The following COL19A1 variants were observed in gnomAD, a reference collection of about 807,000 sequenced individuals.
COL19A1 encodes collagen type XIX alpha 1 chain, also known as collagen alpha-1(XIX) chain.
COL19A1 carries 159 observed loss-of-function variants against 190.2 expected under a neutral mutation model. The ratio of observed to expected loss-of-function variants is 0.84; its 90% CI spans 0.73 to 0.95. The LOEUF (loss-of-function observed/expected upper bound fraction) is 0.95. Among genes scored for constraint, COL19A1 ranks in the 40% least tolerant of loss-of-function variants. The pLI, the probability that COL19A1 is intolerant of heterozygous loss-of-function variation, is 0.00. For synonymous variants in COL19A1, 509 were observed against 458.9 expected (o/e 1.11, Z -1.39); for missense variants, 1,418 against 1,431.9 (o/e 0.99, Z 0.16).
intron 34 of COL19A1, 119 bp from the exon 35 acceptor site, chr6:70,161,781 T>C: frequency 1.6e-6 from 1 of 613,306 alleles, no homozygotes; most frequent in Non-Finnish European, 2.6e-6. Flanking sequence ...ATGACAAACA[T>C]TATGTTTCTC....
chr6:69,899,636 C>A (rs998611411), intron 3 of COL19A1, among the ~76,000 whole-genome samples: 8 of 152,080 alleles, frequency 5.3e-5, no homozygotes, highest in Admixed American at 5.2e-4. Context: ...ATGTCACCAC[C>A]CAGATAAAGA....
chr6:69,993,967 A>G (rs1371106548), intron 11 of COL19A1, among the ~76,000 whole-genome samples: 1 of 148,990 alleles, frequency 6.7e-6, no homozygotes, highest in African/African-American at 2.5e-5. Flanking sequence ...TTCATCTCTT[A>G]TTTTGGTTAT....
chr6:70,090,608 A>T (rs973100901), intron 15 of COL19A1, among the ~76,000 whole-genome samples: 2 of 152,162 alleles, frequency 1.3e-5, no homozygotes, highest in African/African-American at 4.8e-5. Flanking sequence ...TGTTATAAGC[A>T]ATCTAAAACA....
intron 15 of COL19A1, among the ~76,000 whole-genome samples, chr6:70,090,597 G>T (rs543770126): frequency 6.6e-6 from 1 of 152,248 alleles, no homozygotes; most frequent in Non-Finnish European, 1.5e-5. Context: ...CTGTAAGGAA[G>T]TGTTATAAGC....
intron 36 of COL19A1, 128 bp from the exon 37 acceptor site, chr6:70,165,813 C>A: frequency 1.2e-6 from 1 of 858,872 alleles, no homozygotes; most frequent in Admixed American, 1.9e-5. Context: ...AATAAGACTA[C>A]AAGGCTGAAA....
intron 9 of COL19A1, among the ~76,000 whole-genome samples, chr6:69,946,465 C>T (rs1773811785): frequency 6.6e-6 from 1 of 151,788 alleles, no homozygotes; most frequent in African/African-American, 2.4e-5. Context: ...AATTACAAAG[C>T]TGAATTACAT....
chr6:69,993,770 G>A (rs1291322422), intron 11 of COL19A1, among the ~76,000 whole-genome samples: 2 of 152,022 alleles, frequency 1.3e-5, no homozygotes, highest in Non-Finnish European at 2.9e-5. Context: ...GTCTCTGAGG[G>A]ATTTTTGTAT....
chr6:69,937,961 C>A, intron 8 of COL19A1, 77 bp from the exon 9 acceptor site: 2 of 1,407,200 alleles, frequency 1.4e-6, no homozygotes, highest in Non-Finnish European at 2.0e-6. Context: ...CTAGTGCCAG[C>A]TTCACATTTA....
chr6:70,102,282 AC>A, intron 16 of COL19A1, 60 bp downstream of exon 16: 1 of 1,242,238 alleles, frequency 8.0e-7, no homozygotes, highest in Non-Finnish European at 1.2e-6. Flanking sequence ...CTGTGTGTTT[AC>A]CTAAGGATTA....
intron 4 of COL19A1, among the ~76,000 whole-genome samples, chr6:69,919,270 G>T (rs974752469): frequency 2.0e-5 from 3 of 152,186 alleles, no homozygotes; most frequent in African/African-American, 4.8e-5. Flanking sequence ...TTAGTAATGT[G>T]TGACCGACTT....
chr6:70,111,420 A>G (rs573128333), intron 16 of COL19A1, among the ~76,000 whole-genome samples: 94 of 152,330 alleles, frequency 6.2e-4, no homozygotes, highest in African/African-American at 2.2e-3. Context: ...TCTGTAATGA[A>G]TTCATTAAAA....
chr6:70,002,687 G>C (rs1777337009), intron 11 of COL19A1, among the ~76,000 whole-genome samples: 1 of 150,854 alleles, frequency 6.6e-6, no homozygotes, highest in Admixed American at 6.6e-5. Context: ...GTGGTAGTTT[G>C]TATTTCTGTG....
chr6:70,106,599 A>T (rs186465543), intron 16 of COL19A1, among the ~76,000 whole-genome samples: 1 of 152,288 alleles, frequency 6.6e-6, no homozygotes, highest in Non-Finnish European at 1.5e-5. Flanking sequence ...TATGCATATA[A>T]TGAAACTATT....
chr6:69,955,485 T>G (rs1384390111), intron 9 of COL19A1, among the ~76,000 whole-genome samples: 1 of 151,784 alleles, frequency 6.6e-6, no homozygotes, highest in Non-Finnish European at 1.5e-5. Flanking sequence ...GCACGTTGTA[T>G]TAATAGAAGT....
chr6:70,152,646 G>A (rs369823097), intron 31 of COL19A1, among the ~76,000 whole-genome samples: 6 of 151,906 alleles, frequency 3.9e-5, no homozygotes, highest in African/African-American at 1.2e-4. Flanking sequence ...AGGCTGTTGC[G>A]CATTCCCACT....
chr6:70,008,248 A>G (rs1777756299), intron 11 of COL19A1, among the ~76,000 whole-genome samples: 1 of 151,906 alleles, frequency 6.6e-6, no homozygotes, highest in Non-Finnish European at 1.5e-5. Flanking sequence ...TAATACCATC[A>G]AAAGTTGGTT....
chr6:70,031,558 A>G (rs538699607), intron 12 of COL19A1, among the ~76,000 whole-genome samples: 1 of 152,210 alleles, frequency 6.6e-6, no homozygotes, highest in South Asian at 2.1e-4. Context: ...AAGAACATGG[A>G]ATATTTGTCT....
chr6:70,029,844 A>G (rs1228274173), intron 12 of COL19A1, among the ~76,000 whole-genome samples: 1 of 152,204 alleles, frequency 6.6e-6, no homozygotes, highest in South Asian at 2.1e-4. Context: ...AGAAAGAACT[A>G]TCAGTTATCC....
At chr6:70,004,107 AT>A (rs201679451) in intron 11 of COL19A1, among the ~76,000 whole-genome samples, 2,098 of 152,162 alleles carry the variant, frequency 0.014, 42 homozygotes, top group East Asian at 0.069. Flanking sequence ...TCTGTACAGG[AT>A]TTTATTTCTC....
Sources: allele counts gnomAD v4.1 joint callset (sites outside exome capture counted in the v4.1 genomes callset), GRCh38; gene constraint gnomAD v4.1.1; transcripts MANE v1.5; gene names NCBI Gene and HGNC (gene_info 2026-07-23, HGNC 2026-07-21).